ITCH: variants seen among roughly 807,000 people sequenced by gnomAD.
ITCH encodes the protein E3 ubiquitin-protein ligase Itchy homolog.
A neutral mutation model predicts 126.8 loss-of-function variants in ITCH; 28 were observed. That is an observed-to-expected ratio of 0.22 (90% CI 0.16 to 0.30). The LOEUF is 0.30. ITCH is among the 10% of genes least tolerant of loss of function. ITCH has a pLI of 1.00. For missense variants in ITCH, 631 were observed against 1,032.4 expected, an observed-to-expected ratio of 0.61 and a Z score of 5.33; for synonymous variants, 342 against 340.0, an observed-to-expected ratio of 1.01 and a Z score of -0.06.
chr20:34,390,443 CTTTTTTTTTTTTTT>C (rs546555130), intron 2 of ITCH, among the ~76,000 whole-genome samples: 3 of 90,756 alleles, frequency 3.3e-5, no homozygotes, highest in Admixed American at 1.4e-4. Flanking sequence ...CAAGAATAAT[CTTTTTTTTTTTTTT>C]TTTTTTTTTT....
intron 2 of ITCH, among the ~76,000 whole-genome samples, chr20:34,375,410 T>C (rs1601746321): frequency 6.6e-6 from 1 of 151,478 alleles, no homozygotes; most frequent in Non-Finnish European, 1.5e-5. Flanking sequence ...TTTAGCTCGA[T>C]TTAGCCATTC....
At chr20:34,484,605 C>T (rs545265642) in intron 20 of ITCH, among the ~76,000 whole-genome samples, 1 of 152,280 alleles carries the variant, frequency 6.6e-6, no homozygotes, top group Non-Finnish European at 1.5e-5. Context: ...GGTAAGATAA[C>T]ATTTTAAGAT....
chr20:34,441,931 T>C (rs1451054093), intron 9 of ITCH: 1 of 415,238 alleles, frequency 2.4e-6, no homozygotes, highest in African/African-American at 2.0e-5. Context: ...TGAGAGTGAC[T>C]TCGGTATCCT....
At chr20:34,455,743 G>T (rs995299736) in intron 12 of ITCH, among the ~76,000 whole-genome samples, 11 of 151,734 alleles carry the variant, frequency 7.2e-5, no homozygotes, top group Non-Finnish European at 1.3e-4. Context: ...CTCCCAACGT[G>T]CTAGAATTAC....
chr20:34,480,830 T>C, intron 19 of ITCH, 98 bp downstream of exon 19: 1 of 1,097,000 alleles, frequency 9.1e-7, no homozygotes, highest in Non-Finnish European at 1.3e-6. Context: ...AATTGGTTTA[T>C]TGTATTTAAA....
At chr20:34,476,160 T>G (rs1769045521) in intron 16 of ITCH, 3 of 805,900 alleles carry the variant, frequency 3.7e-6, no homozygotes, top group Non-Finnish European at 6.8e-6. Flanking sequence ...TTCCCTCACA[T>G]GCACCAAAGC....
intron 3 of ITCH, among the ~76,000 whole-genome samples, chr20:34,400,029 C>G (rs1721164513): frequency 6.6e-6 from 1 of 151,788 alleles, no homozygotes; most frequent in African/African-American, 2.4e-5. Context: ...ACCTCTGACT[C>G]CCTGGTTCAA....
Position 34,509,593 on chromosome 20 carries a change from C to T in ITCH, c.*1799C>T, listed in dbSNP as rs962124446. 1.9e-4 allele frequency: 29 copies of T among 152,572 alleles called. No individual in the cohort carries two copies. The highest frequency in any genetic ancestry group is 3.2e-4 in the Non-Finnish European group (22 of 68,028). The allele number at this position is 152,572 out of a possible 1,614,324, so 9.5% of individuals were successfully genotyped here. A position where few individuals can be genotyped will look rare whatever the true frequency, so the allele number is the denominator to read the frequency against. On this transcript the variant is annotated 3_prime_UTR_variant, in exon 25 of 25. Transcript: ENST00000374864. The stretch of plus-strand genomic sequence containing the variant: ...GCTCAGTGTAAATGGGGAGGCTAGG[C>T]TCTCCCCAGCCCTATGGTTTTTTTA...
chr20:34,378,717 G>A (rs879621777), intron 2 of ITCH, among the ~76,000 whole-genome samples: 1 of 152,114 alleles, frequency 6.6e-6, no homozygotes, highest in South Asian at 2.1e-4. Context: ...CATTTGTTCT[G>A]CAATTAAAAG....
At chr20:34,388,100 C>CTTT (rs533244733) in intron 2 of ITCH, among the ~76,000 whole-genome samples, 2 of 138,172 alleles carry the variant, frequency 1.4e-5, no homozygotes, top group African/African-American at 5.3e-5. Context: ...CTTGTGAAGG[C>CTTT]TTTTTTTTTT....
rs1432061169 is a variant in ITCH at position 34,510,757 on chromosome 20, G to A, written c.*2963G>A. On this transcript the variant is annotated 3_prime_UTR_variant, in exon 25 of 25. Coordinates refer to ENST00000374864, the MANE Select transcript of ITCH (RefSeq NM_031483.7). ...ATTCAGGTATTGTACTCGGGAGGCTGAGGTGGGAGGATCCCAGGAGTTCAA... is the reference window on the plus strand; with the variant it reads ...ATTCAGGTATTGTACTCGGGAGGCTAAGGTGGGAGGATCCCAGGAGTTCAA... The A allele has an allele frequency of 6.6e-6, 1 of 152,080 alleles. No individual in the cohort carries two copies. The highest frequency in any genetic ancestry group is 1.5e-5 in the Non-Finnish European group (1 of 68,028). The allele number at this position is 152,080 out of a possible 1,614,324, so 9.4% of individuals were successfully genotyped here.
At chr20:34,410,183 C>T (rs184450428) in intron 4 of ITCH, among the ~76,000 whole-genome samples, 71 of 152,064 alleles carry the variant, frequency 4.7e-4, no homozygotes, top group African/African-American at 1.6e-3. Flanking sequence ...GCCTGACCAA[C>T]GTGGTGAAAC....
chr20:34,501,428 G>T (rs1461696030), intron 23 of ITCH, among the ~76,000 whole-genome samples: 2 of 152,126 alleles, frequency 1.3e-5, no homozygotes, highest in Non-Finnish European at 2.9e-5. Flanking sequence ...TCAAATATTT[G>T]TTCCTACTTA....
chr20:34,489,443 T>G, intron 21 of ITCH, 57 bp downstream of exon 21: 1 of 1,529,772 alleles, frequency 6.5e-7, no homozygotes, highest in South Asian at 1.1e-5. Flanking sequence ...CCTTAAGTTG[T>G]CTGCTTTTAA....
At chr20:34,457,961 AC>A (rs1986173398) in intron 13 of ITCH, among the ~76,000 whole-genome samples, 2 of 152,280 alleles carry the variant, frequency 1.3e-5, no homozygotes, top group African/African-American at 4.8e-5. Flanking sequence ...AAAAAAGAAA[AC>A]AATAGAAAAG....
chr20:34,384,426 A>G (rs1046231849), intron 2 of ITCH, among the ~76,000 whole-genome samples: 1 of 150,908 alleles, frequency 6.6e-6, no homozygotes, highest in Non-Finnish European at 1.5e-5. Context: ...GATTACAGGC[A>G]TGCGCCACCA....
intron 2 of ITCH, 73 bp from the exon 3 acceptor site, chr20:34,393,718 C>G (rs1280862273): frequency 1.1e-6 from 1 of 880,644 alleles, no homozygotes; most frequent in African/African-American, 1.6e-5. Flanking sequence ...AATAAATAGC[C>G]AGGTTAGCAC....
intron 8 of ITCH, among the ~76,000 whole-genome samples, chr20:34,439,700 A>G (rs913316797): frequency 3.3e-5 from 5 of 152,230 alleles, no homozygotes; most frequent in African/African-American, 9.6e-5. Flanking sequence ...GGTGTAATGT[A>G]TGACTACTAA....
chr20:34,431,354 A>G (rs1982265317), intron 7 of ITCH, among the ~76,000 whole-genome samples: 1 of 152,122 alleles, frequency 6.6e-6, no homozygotes, highest in Non-Finnish European at 1.5e-5. Flanking sequence ...TCAAAGTTGC[A>G]GTGAACTGTG....
Sources: gnomAD v4.1 joint callset for allele counts (sites outside exome capture counted in the v4.1 genomes callset) on GRCh38, gnomAD v4.1.1 for gene constraint, MANE v1.5 for transcripts, NCBI Gene and HGNC (gene_info 2026-07-23, HGNC 2026-07-21) for gene names.